The following RGPD2 variants were observed in gnomAD, a reference collection of about 807,000 sequenced individuals.
The protein encoded by RGPD2 is RANBP2 like and GRIP domain containing 2, also known as RANBP2-like and GRIP domain-containing protein 2.
A neutral mutation model predicts 36.0 loss-of-function variants in RGPD2; 2 were observed. The ratio of observed to expected loss-of-function variants is 0.06; its 90% CI spans 0.02 to 0.17. RGPD2 has a LOEUF of 0.17. Ranked by LOEUF, RGPD2 falls within the 10% of genes least tolerant of loss-of-function variation. The pLI is 1.00. For missense variants in RGPD2, 40 were observed against 464.3 expected, an observed-to-expected ratio of 0.09 and a Z score of 8.40; for synonymous variants, 19 against 163.8, an observed-to-expected ratio of 0.12 and a Z score of 6.75.
chr2:87,948,100 TA>T, the RGPD2 span, among the ~76,000 whole-genome samples: 2 of 152,372 alleles, frequency 1.3e-5, no homozygotes, highest in Admixed American at 1.3e-4. Flanking sequence ...GGTGCAAAAG[TA>T]ATTGTGGTTT....
At chr2:87,970,028 C>G in the RGPD2 span, among the ~76,000 whole-genome samples, 1 of 151,616 alleles carries the variant, frequency 6.6e-6, no homozygotes, top group African/African-American at 2.4e-5. Context: ...GTTGTCATAC[C>G]AGTATTAATT....
At chr2:87,867,767 A>G in the RGPD2 span, among the ~76,000 whole-genome samples, 5 of 147,678 alleles carry the variant, frequency 3.4e-5, no homozygotes, top group Admixed American at 2.7e-4. Flanking sequence ...TTTGACATAT[A>G]CAATATAATA....
chr2:87,824,798 GCCGCCGCCGCCGCCCGGCC>G, intron 1 of RGPD2: 2 of 118,748 alleles, frequency 1.7e-5, no homozygotes, highest in African/African-American at 3.2e-5. Flanking sequence ...GGCCGAGGCC[GCCGCCGCCGCCGCCCGGCC>G]AGGCCGAGGC....
chr2:87,973,926 GGTT>G, the RGPD2 span, among the ~76,000 whole-genome samples: 1 of 151,680 alleles, frequency 6.6e-6, no homozygotes, highest in African/African-American at 2.4e-5. Context: ...ATGCTAGCCT[GGTT>G]ATTATTTTTG....
the RGPD2 span, among the ~76,000 whole-genome samples, chr2:87,920,215 T>G: frequency 6.6e-6 from 1 of 152,098 alleles, no homozygotes; most frequent in East Asian, 1.9e-4. Flanking sequence ...TTCTCTTTTT[T>G]GAACTTAGGA....
the RGPD2 span, among the ~76,000 whole-genome samples, chr2:87,986,697 T>C: frequency 6.6e-6 from 1 of 151,330 alleles, no homozygotes; most frequent in Admixed American, 6.6e-5. Flanking sequence ...CTGACCAACA[T>C]GGTGAAACCC....
intron 22 of RGPD2, among the ~76,000 whole-genome samples, chr2:87,769,497 A>G (rs1350403959): frequency 6.7e-6 from 1 of 149,004 alleles, no homozygotes; most frequent in Admixed American, 6.7e-5. Context: ...CCTCTATGAA[A>G]TTCTTTAAAA....
chr2:87,937,578 T>C, the RGPD2 span, among the ~76,000 whole-genome samples: 1 of 151,846 alleles, frequency 6.6e-6, no homozygotes, highest in African/African-American at 2.4e-5. Context: ...CAGACTCTTT[T>C]TAACAAGTAT....
At chr2:87,971,462 A>AGTATATATAATATGAATATTATATATAG in the RGPD2 span, among the ~76,000 whole-genome samples, 1 of 124,084 alleles carries the variant, frequency 8.1e-6, no homozygotes, top group Admixed American at 9.3e-5. Flanking sequence ...ATTATATATA[A>AGTATATATAATATGAATATTATATATAG]ATATATATAT....
At chr2:87,864,715 T>A in the RGPD2 span, among the ~76,000 whole-genome samples, 1 of 152,284 alleles carries the variant, frequency 6.6e-6, no homozygotes, top group Non-Finnish European at 1.5e-5. Context: ...TGGTTGAACA[T>A]CTTTTCATGT....
At chr2:87,877,116 T>A in the RGPD2 span, among the ~76,000 whole-genome samples, 127 of 151,712 alleles carry the variant, frequency 8.4e-4, no homozygotes, top group African/African-American at 2.9e-3. Context: ...GAGATGGGTC[T>A]CTTGAGGACA....
chr2:87,870,283 A>G, the RGPD2 span, among the ~76,000 whole-genome samples: 1 of 152,290 alleles, frequency 6.6e-6, no homozygotes, highest in African/African-American at 2.4e-5. Flanking sequence ...TGCATGTGCA[A>G]TCGAGCCAAT....
the RGPD2 span, among the ~76,000 whole-genome samples, chr2:87,957,159 G>T: frequency 6.6e-6 from 1 of 150,862 alleles, no homozygotes; most frequent in Middle Eastern, 3.4e-3. Context: ...AAATTTACAA[G>T]ATGAAGCTCT....
chr2:87,986,196 T>C, the RGPD2 span, among the ~76,000 whole-genome samples: 4 of 148,768 alleles, frequency 2.7e-5, no homozygotes, highest in African/African-American at 5.0e-5. Flanking sequence ...AGTGCTGTGG[T>C]GCGGTCTTGG....
chr2:87,948,207 C>T, the RGPD2 span, among the ~76,000 whole-genome samples: 1 of 152,032 alleles, frequency 6.6e-6, no homozygotes, highest in Non-Finnish European at 1.5e-5. Flanking sequence ...ACAGCTCATT[C>T]TCCTTACTGA....
chr2:87,934,682 T>A, the RGPD2 span, among the ~76,000 whole-genome samples: 1 of 150,574 alleles, frequency 6.6e-6, no homozygotes, highest in East Asian at 2.0e-4. Context: ...ATTTTTGACC[T>A]AAAAAGATTG....
At chr2:87,842,385 T>C in the RGPD2 span, among the ~76,000 whole-genome samples, 4 of 149,392 alleles carry the variant, frequency 2.7e-5, no homozygotes, top group African/African-American at 5.1e-5. Context: ...AATCAATGTA[T>C]AAAAATCGCA....
At chr2:87,805,733 G>A (rs1356918456) in intron 7 of RGPD2, among the ~76,000 whole-genome samples, 4 of 152,128 alleles carry the variant, frequency 2.6e-5, no homozygotes, top group Admixed American at 1.3e-4. Flanking sequence ...GGTGGTGGGC[G>A]CTTGTAGTTC....
At chr2:87,974,484 G>A in the RGPD2 span, among the ~76,000 whole-genome samples, 19 of 151,874 alleles carry the variant, frequency 1.3e-4, no homozygotes, top group African/African-American at 3.9e-4. Flanking sequence ...TTACTGCTCT[G>A]TGACTATCCC....
Sources: allele counts gnomAD v4.1 joint callset (sites outside exome capture counted in the v4.1 genomes callset), GRCh38; gene constraint gnomAD v4.1.1; transcripts MANE v1.5; gene names NCBI Gene and HGNC (gene_info 2026-07-23, HGNC 2026-07-21).